Variants in DACH1 observed in about 807,000 individuals in gnomAD.
DACH1 encodes dachshund homolog 1.
Under a neutral mutation model 54.2 loss-of-function variants are expected in DACH1, and 12 were observed. The ratio of observed to expected loss-of-function variants is 0.22; its 90% CI spans 0.14 to 0.36. The LOEUF (loss-of-function observed/expected upper bound fraction) is 0.36, where lower values mean the gene tolerates loss of function less well. Among genes scored for constraint, DACH1 ranks in the 10% least tolerant of loss-of-function variants. The pLI, the probability that DACH1 is intolerant of heterozygous loss-of-function variation, is 1.00. For synonymous variants in DACH1, 386 were observed against 366.2 expected, an observed-to-expected ratio of 1.05 and a Z score of -0.62; for missense variants, 805 against 929.8, an observed-to-expected ratio of 0.87 and a Z score of 1.75.
chr13:71,730,104 G>T (rs908787667), intron 1 of DACH1, among the ~76,000 whole-genome samples: 1 of 151,984 alleles, frequency 6.6e-6, no homozygotes, highest in Non-Finnish European at 1.5e-5. Flanking sequence ...CATGCTAGAT[G>T]ACGAGTTAGT....
At chr13:71,795,590 T>G (rs1887014332) in intron 1 of DACH1, among the ~76,000 whole-genome samples, 1 of 152,196 alleles carries the variant, frequency 6.6e-6, no homozygotes, top group South Asian at 2.1e-4. Flanking sequence ...TACCTTTCTA[T>G]GCACTTAGTA....
intron 2 of DACH1, chr13:71,675,184 C>T (rs1237263181): frequency 6.3e-7 from 1 of 1,583,746 alleles, no homozygotes; most frequent in Non-Finnish European, 8.7e-7. Context: ...GAAACCTCAT[C>T]GTAACAGGCC....
chr13:71,829,583 C>G (rs1888507827), intron 1 of DACH1, among the ~76,000 whole-genome samples: 1 of 151,886 alleles, frequency 6.6e-6, no homozygotes, highest in South Asian at 2.1e-4. Flanking sequence ...GGCTGCTCAT[C>G]CATTATCTCC....
At chr13:71,628,775 A>C (rs1265767998) in intron 3 of DACH1, among the ~76,000 whole-genome samples, 3 of 152,108 alleles carry the variant, frequency 2.0e-5, no homozygotes, top group African/African-American at 7.2e-5. Flanking sequence ...AATATGAAAA[A>C]TATGTTGATG....
At chr13:71,565,766 C>A (rs185881904) in intron 4 of DACH1, among the ~76,000 whole-genome samples, 3 of 152,276 alleles carry the variant, frequency 2.0e-5, no homozygotes, top group Admixed American at 2.0e-4. Flanking sequence ...TTAATATAAT[C>A]TGAAACAACT....
chr13:71,506,021 C>T (rs909277071), intron 6 of DACH1, among the ~76,000 whole-genome samples: 2 of 152,008 alleles, frequency 1.3e-5, no homozygotes, highest in Non-Finnish European at 2.9e-5. Flanking sequence ...AAAAACTATA[C>T]TGTTATTTAA....
intron 3 of DACH1, among the ~76,000 whole-genome samples, chr13:71,583,248 G>A (rs1872976143): frequency 6.6e-6 from 1 of 152,118 alleles, no homozygotes; most frequent in Admixed American, 6.5e-5. Context: ...ACAGGTTTAA[G>A]TTTAGAAAAG....
intron 6 of DACH1, among the ~76,000 whole-genome samples, chr13:71,531,811 C>G (rs544099311): frequency 6.6e-6 from 1 of 152,048 alleles, no homozygotes; most frequent in African/African-American, 2.4e-5. Flanking sequence ...AAAACACAGG[C>G]TCACAGGTCA....
At chr13:71,470,488 C>T (rs569172121) in intron 10 of DACH1, among the ~76,000 whole-genome samples, 3 of 151,866 alleles carry the variant, frequency 2.0e-5, no homozygotes, top group Non-Finnish European at 2.9e-5. Flanking sequence ...CCACCATGCC[C>T]GGCCCATTTC....
intron 6 of DACH1, among the ~76,000 whole-genome samples, chr13:71,514,570 A>G (rs376512009): frequency 2.0e-5 from 3 of 151,926 alleles, no homozygotes; most frequent in South Asian, 2.1e-4. Context: ...GTTAATACCA[A>G]TTGTGTATAT....
At chr13:71,486,201 T>G (rs185948058) in intron 7 of DACH1, among the ~76,000 whole-genome samples, 38 of 152,012 alleles carry the variant, frequency 2.5e-4, no homozygotes, top group African/African-American at 8.9e-4. Flanking sequence ...CAATAACACT[T>G]TATGAAAACA....
chr13:71,654,453 A>ATAAAATAAAATAAAATAAAG (rs1566409091), intron 2 of DACH1, among the ~76,000 whole-genome samples: 4 of 78,728 alleles, frequency 5.1e-5, no homozygotes, highest in Non-Finnish European at 1.1e-4. Flanking sequence ...ATAAAATAAA[A>ATAAAATAAAATAAAATAAAG]TAAAGTAAAA....
chr13:71,807,738 T>TATTTTAAAAA (rs1887567159), intron 1 of DACH1, among the ~76,000 whole-genome samples: 4 of 152,238 alleles, frequency 2.6e-5, no homozygotes, highest in African/African-American at 4.8e-5. Flanking sequence ...ACAGTAAAAA[T>TATTTTAAAAA]ATTTTAAAAA....
intron 1 of DACH1, among the ~76,000 whole-genome samples, chr13:71,695,096 A>G (rs1439339922): frequency 2.6e-5 from 4 of 152,254 alleles, no homozygotes; most frequent in Non-Finnish European, 4.4e-5. Flanking sequence ...AAAAGACAAC[A>G]GCTATGACAT....
chr13:71,784,531 T>G (rs1886512954), intron 1 of DACH1, among the ~76,000 whole-genome samples: 1 of 152,150 alleles, frequency 6.6e-6, no homozygotes, highest in African/African-American at 2.4e-5. Flanking sequence ...AAACAGAGTA[T>G]GTTTGGCTTC....
chr13:71,668,725 G>A (rs1464306468), intron 2 of DACH1, among the ~76,000 whole-genome samples: 1 of 152,040 alleles, frequency 6.6e-6, no homozygotes, highest in Non-Finnish European at 1.5e-5. Context: ...AAGAGGTCGA[G>A]ACCAGCCTGG....
chr13:71,801,796 C>T, intron 1 of DACH1, among the ~76,000 whole-genome samples: 1 of 151,564 alleles, frequency 6.6e-6, no homozygotes, highest in Non-Finnish European at 1.5e-5. Context: ...GTAATGAACA[C>T]CTTCCAGTCA....
At chr13:71,467,058 A>AATT (rs1240987052) in intron 10 of DACH1, among the ~76,000 whole-genome samples, 1 of 150,108 alleles carries the variant, frequency 6.7e-6, no homozygotes, top group Admixed American at 6.7e-5. Flanking sequence ...CATAGTAAAT[A>AATT]ATTATAATGA....
At chr13:71,685,893 G>A (rs1351408800) in intron 1 of DACH1, among the ~76,000 whole-genome samples, 2 of 152,066 alleles carry the variant, frequency 1.3e-5, no homozygotes, top group Admixed American at 6.6e-5. Flanking sequence ...TCTTTAAGAA[G>A]TGTTTTGTAT....
Sources: gnomAD v4.1 joint callset for allele counts (sites outside exome capture counted in the v4.1 genomes callset) on GRCh38, gnomAD v4.1.1 for gene constraint, MANE v1.5 for transcripts, NCBI Gene and HGNC (gene_info 2026-07-23, HGNC 2026-07-21) for gene names.